VPS35L: variants seen among roughly 807,000 people sequenced by gnomAD.
The protein encoded by VPS35L is VPS35 endosomal protein sorting factor like.
In VPS35L, 83 loss-of-function variants were observed where a neutral mutation model predicts 133.0. The ratio of observed to expected loss-of-function variants is 0.62; its 90% CI spans 0.52 to 0.75. The LOEUF (loss-of-function observed/expected upper bound fraction) is 0.75. Among genes scored for constraint, VPS35L ranks in the 30% least tolerant of loss-of-function variants. VPS35L has a pLI of 0.00. For missense variants in VPS35L, 1,083 were observed against 1,206.8 expected, an observed-to-expected ratio of 0.90 and a Z score of 1.52; for synonymous variants, 423 against 449.9, an observed-to-expected ratio of 0.94 and a Z score of 0.76.
Position 19,569,549 on chromosome 16 carries a change from G to A in VPS35L, c.243G>A (p.Met81Ile). The A allele has an allele frequency of 1.3e-6, 2 of 1,592,862 alleles. No individual in the cohort carries two copies. The highest frequency in any genetic ancestry group is 1.7e-6 in the Non-Finnish European group (2 of 1,169,986). ...TCGATGGGACTGACCCCCTCTCCAT[G>A]TTTGCAGCCACTGCTGACCCCGCAG... is the stretch of plus-strand genomic sequence containing the variant. ...SVLDGTDPLSMFAATADPAAL... is the reference protein window; with the variant it reads ...SVLDGTDPLSIFAATADPAAL... The change falls in exon 3 of 31, where the codon ATG (methionine) becomes ATA (isoleucine). Residue 81 changes from methionine (M) to isoleucine (I), a missense_variant. By Grantham distance (10) the Met-to-Ile change is conservative. Transcript: ENST00000417362.
chr16:19,641,733 C>CAG (rs1973794007), intron 21 of VPS35L, among the ~76,000 whole-genome samples: 1 of 152,020 alleles, frequency 6.6e-6, no homozygotes, highest in Non-Finnish European at 1.5e-5. Flanking sequence ...TGGCAAAATT[C>CAG]GCCTGTTAAG....
chr16:19,666,975 C>CCTTTCTTTCTTTCTTTT (rs1974710560), intron 26 of VPS35L, among the ~76,000 whole-genome samples: 1 of 76,662 alleles, frequency 1.3e-5, no homozygotes, highest in Non-Finnish European at 3.1e-5. Context: ...TTCCTTTCTT[C>CCTTTCTTTCTTTCTTTT]CTTTCTTTCT....
chr16:19,652,662 A>C (rs1974172638), intron 26 of VPS35L: 1 of 152,480 alleles, frequency 6.6e-6, no homozygotes, highest in Non-Finnish European at 1.5e-5. Context: ...AGACCGGGTC[A>C]TGCAGCTCAG....
chr16:19,606,996 G>T (rs1379488674), intron 9 of VPS35L, among the ~76,000 whole-genome samples: 2 of 152,144 alleles, frequency 1.3e-5, no homozygotes, highest in Non-Finnish European at 2.9e-5. Context: ...AACATCCAGT[G>T]GTGGGATGGA....
intron 12 of VPS35L, chr16:19,611,606 A>G (rs1487785386): frequency 2.0e-5 from 3 of 152,140 alleles, no homozygotes; most frequent in Non-Finnish European, 4.4e-5. Flanking sequence ...AAACTAAGTC[A>G]GTGCCCTCAG....
At chr16:19,564,691 G>A (rs226880) in intron 1 of VPS35L, among the ~76,000 whole-genome samples, 160 bp from the exon 2 acceptor site, 15,559 of 152,224 alleles carry the variant, frequency 0.1, 896 homozygotes, top group African/African-American at 0.16. Flanking sequence ...GAGCCACTGC[G>A]CCTGGCCAAA....
intron 28 of VPS35L, among the ~76,000 whole-genome samples, chr16:19,690,712 A>G (rs1260200956): frequency 6.6e-6 from 1 of 152,168 alleles, no homozygotes; most frequent in Non-Finnish European, 1.5e-5. Flanking sequence ...GCACTTTGGG[A>G]GGCCGAGGCA....
chr16:19,610,979 A>T (rs140473862), intron 12 of VPS35L, among the ~76,000 whole-genome samples: 6 of 152,294 alleles, frequency 3.9e-5, no homozygotes, highest in Non-Finnish European at 7.4e-5. Flanking sequence ...TATGGAAAAA[A>T]TGTAACCAAT....
chr16:19,661,009 G>C (rs1179841149), intron 26 of VPS35L, among the ~76,000 whole-genome samples: 1 of 150,370 alleles, frequency 6.7e-6, no homozygotes, highest in Non-Finnish European at 1.5e-5. Context: ...CATTATTCTT[G>C]TATGCTCTCT....
intron 28 of VPS35L, among the ~76,000 whole-genome samples, chr16:19,688,383 C>T (rs1346777591): frequency 1.3e-5 from 2 of 152,180 alleles, no homozygotes; most frequent in African/African-American, 4.8e-5. Flanking sequence ...AAAAGCACAA[C>T]AAATCACATT....
chr16:19,691,441 A>G lies in VPS35L; in HGVS notation c.2616A>G (p.Leu872=), dbSNP rs1401761016. 2.5e-6 allele frequency: 4 copies of G among 1,613,900 alleles called. No homozygotes were observed. Among genetic ancestry groups the G allele is most frequent in the Non-Finnish European group, 8.5e-7 (1 of 1,179,922 alleles). Residue 872 remains leucine (L), a synonymous_variant, in exon 29 of 31, where the codon CTA becomes CTG. Coordinates refer to ENST00000417362, the MANE Select transcript of VPS35L (RefSeq NM_020314.7). ...KLCETVMAQI[L]EHLKTLAKDE... ...GTGAGACGGTGATGGCTCAGATCCT[A>G]GAGCATCTGAAAACCCTGGCCAAGG...
intron 19 of VPS35L, among the ~76,000 whole-genome samples, chr16:19,636,031 T>C (rs868452445): frequency 6.6e-6 from 1 of 151,620 alleles, no homozygotes; most frequent in African/African-American, 2.4e-5. Context: ...TAAAAAAATA[T>C]AAAAATTAGA....
At chr16:19,658,386 C>T (rs150912596) in intron 26 of VPS35L, among the ~76,000 whole-genome samples, 10 of 152,136 alleles carry the variant, frequency 6.6e-5, no homozygotes, top group African/African-American at 2.2e-4. Context: ...AAAAATTAGC[C>T]GGCAGTAGTG....
chr16:19,581,674 A>G (rs3841564), intron 7 of VPS35L, 21 bp downstream of exon 7: 1 of 1,208,252 alleles, frequency 8.3e-7, no homozygotes, highest in Non-Finnish European at 1.1e-6. Context: ...GTGATCCCCC[A>G]CCCCCACCCA....
intron 5 of VPS35L, among the ~76,000 whole-genome samples, chr16:19,575,584 C>T (rs545381400): frequency 8.8e-5 from 13 of 148,344 alleles, no homozygotes; most frequent in African/African-American, 2.7e-4. Flanking sequence ...AAAATACAGC[C>T]GGGCACGGTG....
chr16:19,603,773 C>T (rs1317847161), intron 9 of VPS35L, among the ~76,000 whole-genome samples: 1 of 152,142 alleles, frequency 6.6e-6, no homozygotes, highest in South Asian at 2.1e-4. Flanking sequence ...CTCTTGTTGC[C>T]CAGGCTGGAG....
intron 12 of VPS35L, among the ~76,000 whole-genome samples, chr16:19,615,126 G>T (rs2151551835): frequency 6.6e-6 from 1 of 152,262 alleles, no homozygotes; most frequent in East Asian, 1.9e-4. Context: ...TAATCTTTGT[G>T]CTTGGTCTAA....
chr16:19,686,108 G>GTCCAAAGTCCACA (rs1975450049), intron 28 of VPS35L, among the ~76,000 whole-genome samples: 1 of 152,162 alleles, frequency 6.6e-6, no homozygotes, highest in Non-Finnish European at 1.5e-5. Context: ...GTCCAGCTGT[G>GTCCAAAGTCCACA]TTTACTTTGA....
chr16:19,556,917 G>T (rs1970876803), intron 1 of VPS35L, among the ~76,000 whole-genome samples: 2 of 151,948 alleles, frequency 1.3e-5, no homozygotes, highest in Non-Finnish European at 2.9e-5. Flanking sequence ...CTGAGGTCAG[G>T]GGTTCGAGAC....
Sources: gnomAD v4.1 joint callset for allele counts (sites outside exome capture counted in the v4.1 genomes callset) on GRCh38, gnomAD v4.1.1 for gene constraint, MANE v1.5 for transcripts, NCBI Gene and HGNC (gene_info 2026-07-23, HGNC 2026-07-21) for gene names.